The following CNTN5 variants were observed in gnomAD, a reference collection of about 807,000 sequenced individuals.
The protein encoded by CNTN5 is contactin 5.
In CNTN5, 77 loss-of-function variants were observed where a neutral mutation model predicts 129.1. The observed-to-expected ratio is 0.60, with a 90% CI of 0.50 to 0.72. CNTN5 has a LOEUF of 0.72. Among genes scored for constraint, CNTN5 ranks in the 30% least tolerant of loss-of-function variants. The pLI is 0.00. For missense variants in CNTN5, 1,478 were observed against 1,328.8 expected, an observed-to-expected ratio of 1.11 and a Z score of -1.75; for synonymous variants, 509 against 465.6, an observed-to-expected ratio of 1.09 and a Z score of -1.20.
chr11:99,682,949 T>C (rs624936), intron 3 of CNTN5, among the ~76,000 whole-genome samples: 83,703 of 151,544 alleles, frequency 0.55, 23,427 homozygotes, highest in Non-Finnish European at 0.61. Context: ...TAAACTTCAG[T>C]TGGTGCAGGG....
At chr11:99,980,686 T>C (rs1938276237) in intron 8 of CNTN5, among the ~76,000 whole-genome samples, 1 of 152,170 alleles carries the variant, frequency 6.6e-6, no homozygotes, top group South Asian at 2.1e-4. Context: ...AATAATTTAT[T>C]TGATGGTAAG....
At chr11:99,200,313 TTAGA>T (rs1170612212) in intron 1 of CNTN5, among the ~76,000 whole-genome samples, 3 of 152,234 alleles carry the variant, frequency 2.0e-5, no homozygotes, top group Non-Finnish European at 2.9e-5. Flanking sequence ...TATAGCTCTC[TTAGA>T]TATTTTCTAC....
chr11:99,436,686 A>G lies in CNTN5; in HGVS notation c.-71+111202A>G. On this transcript the variant is annotated intron_variant, in intron 2 of 24. Transcript: ENST00000524871. ...TATGCCCCTTTCATATCTAATGAGG[A>G]CAATAATAATATGTTACATTTACAA... Among the ~76,000 whole-genome samples, 3 of 152,318 alleles carry G rather than the reference A, an allele frequency of 2.0e-5. No homozygotes were observed. In the Middle Eastern group the frequency reaches 0.01, roughly 518 times the overall value.
intron 8 of CNTN5, among the ~76,000 whole-genome samples, chr11:99,972,453 C>T (rs1951290351): frequency 6.6e-6 from 1 of 152,088 alleles, no homozygotes. Flanking sequence ...TCAACCTTAC[C>T]AGGATACAAG....
chr11:99,711,486 G>GT (rs144263393), intron 3 of CNTN5, among the ~76,000 whole-genome samples: 9,280 of 151,356 alleles, frequency 0.061, 435 homozygotes, highest in East Asian at 0.19. Flanking sequence ...TGAAGACACA[G>GT]TTTTTTTTAT....
chr11:100,217,757 C>G (rs1210278179), intron 15 of CNTN5, among the ~76,000 whole-genome samples: 4 of 152,096 alleles, frequency 2.6e-5, no homozygotes, highest in Non-Finnish European at 5.9e-5. Context: ...TTGAGCCAAC[C>G]TATGGACCAG....
intron 16 of CNTN5, among the ~76,000 whole-genome samples, chr11:100,226,770 T>G (rs543146642): frequency 3.9e-5 from 6 of 152,264 alleles, no homozygotes; most frequent in African/African-American, 7.2e-5. Context: ...TTTAAAAAAT[T>G]TTGTAAGTTT....
chr11:99,153,815 C>CTTTTTTTTTTTTT (rs60782977), intron 1 of CNTN5, among the ~76,000 whole-genome samples: 3 of 103,344 alleles, frequency 2.9e-5, no homozygotes, highest in African/African-American at 3.9e-5. Context: ...CTTTGAATGG[C>CTTTTTTTTTTTTT]TTTTTTTTTT....
chr11:99,349,200 G>A (rs964216291), intron 2 of CNTN5, among the ~76,000 whole-genome samples: 4 of 152,144 alleles, frequency 2.6e-5, no homozygotes, highest in African/African-American at 9.7e-5. Context: ...GTGTCTGAAA[G>A]GGCAATATTA....
chr11:99,445,998 C>A (rs1470341885), intron 2 of CNTN5, among the ~76,000 whole-genome samples: 1 of 150,986 alleles, frequency 6.6e-6, no homozygotes, highest in Non-Finnish European at 1.5e-5. Context: ...GCAGGAGAAT[C>A]GCTTGAACCT....
At chr11:99,892,243 TA>T (rs1167613597) in intron 6 of CNTN5, among the ~76,000 whole-genome samples, 1 of 152,326 alleles carries the variant, frequency 6.6e-6, no homozygotes, top group African/African-American at 2.4e-5. Context: ...GTCAGAAGGA[TA>T]GATTGCAAAA....
At chr11:99,763,256 A>G (rs1160111667) in intron 3 of CNTN5, among the ~76,000 whole-genome samples, 1 of 152,134 alleles carries the variant, frequency 6.6e-6, no homozygotes, top group Non-Finnish European at 1.5e-5. Flanking sequence ...ATTTCCCTTT[A>G]TCAAAGAAAA....
intron 16 of CNTN5, among the ~76,000 whole-genome samples, chr11:100,234,695 C>A (rs2138660497): frequency 6.7e-6 from 1 of 149,878 alleles, no homozygotes; most frequent in South Asian, 2.1e-4. Context: ...GGAAAAATAC[C>A]TAATGTAGAT....
chr11:99,178,571 T>C (rs797021836), intron 1 of CNTN5, among the ~76,000 whole-genome samples: 72 of 152,110 alleles, frequency 4.7e-4, no homozygotes, highest in African/African-American at 1.7e-3. Flanking sequence ...GAAATAAGTG[T>C]CATTAATGCA....
At chr11:99,630,251 T>TATATATATATATATGTGTGTATATAC (rs1483043823) in intron 3 of CNTN5, among the ~76,000 whole-genome samples, 13 of 2,388 alleles carry the variant, frequency 5.4e-3, no homozygotes, top group African/African-American at 5.2e-3. Flanking sequence ...TATATACATA[T>TATATATATATATATGTGTGTATATAC]ATATATATAT....
intron 2 of CNTN5, among the ~76,000 whole-genome samples, chr11:99,341,890 A>T (rs1033909607): frequency 1.3e-5 from 2 of 152,192 alleles, no homozygotes; most frequent in African/African-American, 4.8e-5. Context: ...GCTGAAGAAA[A>T]GTACTGTGAG....
At chr11:99,471,149 T>TAA (rs35399858) in intron 2 of CNTN5, among the ~76,000 whole-genome samples, 4,269 of 148,240 alleles carry the variant, frequency 0.029, 71 homozygotes, top group Middle Eastern at 0.064. Context: ...GTAATGTTGC[T>TAA]AAAAAAAAAA....
chr11:99,963,140 T>G (rs542299375), intron 8 of CNTN5, among the ~76,000 whole-genome samples: 2 of 152,208 alleles, frequency 1.3e-5, no homozygotes, highest in African/African-American at 4.8e-5. Context: ...TTTCTTTTGC[T>G]GTGCAGGAGC....
intron 8 of CNTN5, among the ~76,000 whole-genome samples, chr11:99,958,973 C>T (rs925288825): frequency 1.3e-5 from 2 of 152,142 alleles, no homozygotes; most frequent in African/African-American, 4.8e-5. Context: ...TGTCCATGTG[C>T]AAGAGTGTTT....
Sources: allele counts gnomAD v4.1 joint callset (sites outside exome capture counted in the v4.1 genomes callset), GRCh38; gene constraint gnomAD v4.1.1; transcripts MANE v1.5; gene names NCBI Gene and HGNC (gene_info 2026-07-23, HGNC 2026-07-21).